The following PLEKHA7 variants were observed in gnomAD, a reference collection of about 807,000 sequenced individuals.
The protein encoded by PLEKHA7 is pleckstrin homology domain containing A7.
Under a neutral mutation model 170.0 loss-of-function variants are expected in PLEKHA7, and 104 were observed. The ratio of observed to expected loss-of-function variants is 0.61; its 90% CI spans 0.52 to 0.72. The LOEUF (loss-of-function observed/expected upper bound fraction) is 0.72, where lower values mean the gene tolerates loss of function less well. PLEKHA7 is among the 30% of genes least tolerant of loss of function. PLEKHA7 has a pLI of 0.00. For missense variants in PLEKHA7, 1,615 were observed against 1,671.7 expected, an observed-to-expected ratio of 0.97 and a Z score of 0.59; for synonymous variants, 648 against 660.8, an observed-to-expected ratio of 0.98 and a Z score of 0.30.
chr11:16,836,970 C>T (rs1393364571), intron 9 of PLEKHA7, among the ~76,000 whole-genome samples: 1 of 151,992 alleles, frequency 6.6e-6, no homozygotes, highest in East Asian at 1.9e-4. Flanking sequence ...ATTACAGGAA[C>T]CCGCCACCAA....
At chr11:16,889,246 C>T (rs1856434659) in intron 3 of PLEKHA7, among the ~76,000 whole-genome samples, 1 of 151,494 alleles carries the variant, frequency 6.6e-6, no homozygotes, top group Non-Finnish European at 1.5e-5. Flanking sequence ...ACCTTGTGAC[C>T]TCCTCCTCTG....
chr11:16,881,974 T>C (rs980820931), intron 3 of PLEKHA7, among the ~76,000 whole-genome samples: 1 of 152,046 alleles, frequency 6.6e-6, no homozygotes, highest in African/African-American at 2.4e-5. Flanking sequence ...GGCAGAGGGG[T>C]TAAAAAGAGA....
At chr11:16,939,784 A>G (rs1477645876) in intron 3 of PLEKHA7, among the ~76,000 whole-genome samples, 1 of 152,212 alleles carries the variant, frequency 6.6e-6, no homozygotes, top group Non-Finnish European at 1.5e-5. Flanking sequence ...CCTTCCTTCT[A>G]TTAATGAGCC....
At chr11:16,826,081 GT>G in intron 10 of PLEKHA7, 38 bp downstream of exon 10, 2 of 1,577,906 alleles carry the variant, frequency 1.3e-6, no homozygotes, top group Non-Finnish European at 8.7e-7. Flanking sequence ...CTACATTATC[GT>G]GCTCGTTATA....
At position 16,786,294 on chromosome 11, in the gene PLEKHA7, G is replaced by C. The variant is rs1205433235; in HGVS notation, c.3451C>G (p.Gln1151Glu). The change falls in exon 24 of 27, where the codon CAG becomes GAG. Residue 1151 changes from glutamine (Q) to glutamate (E), a missense_variant. Transcript: ENST00000531066. ...TCCAACTCAGTGACAGGCATGGCCTGCACTTTCAACCAGCCATTCTCCTCC... is the reference window on the plus strand; with the variant it reads ...TCCAACTCAGTGACAGGCATGGCCTCCACTTTCAACCAGCCATTCTCCTCC... ...DKEENGWLKV[Q>E]AMPVTELDLE... 1.8e-5 allele frequency: 28 copies of C among 1,536,128 alleles called. No individual in the cohort carries two copies. Among genetic ancestry groups the C allele is most frequent in the Non-Finnish European group, 2.4e-5 (28 of 1,146,902 alleles).
chr11:16,891,953 T>C (rs1013659397), intron 3 of PLEKHA7, among the ~76,000 whole-genome samples: 1 of 152,194 alleles, frequency 6.6e-6, no homozygotes, highest in Admixed American at 6.5e-5. Context: ...TTCAACATGA[T>C]TGAACTAGGA....
rs779362210 is a variant in PLEKHA7 at position 16,826,548 on chromosome 11, G to A, written c.915C>T (p.Asn305=). Residue 305 remains asparagine, a synonymous_variant, in exon 10 of 27, where the codon AAC becomes AAT. Coordinates refer to ENST00000531066, the MANE Select transcript of PLEKHA7 (RefSeq NM_001329630.2). ...KVERQAVPQA[N]HTESCHECGR... is the part of the protein sequence containing the mutation. ...CACATTCGTGACAGGACTCTGTGTG[G>A]TTGGCCTGGGGGACAGCCTGCCGCT... is the stretch of plus-strand genomic sequence containing the variant. 3 of 1,614,100 alleles carry A rather than the reference G, an allele frequency of 1.9e-6. No individual in the cohort carries two copies. In the South Asian group the frequency reaches 3.3e-5, roughly 18 times the overall value.
intron 3 of PLEKHA7, among the ~76,000 whole-genome samples, chr11:16,888,041 C>T (rs1242039648): frequency 2.6e-5 from 4 of 151,090 alleles, no homozygotes; most frequent in African/African-American, 7.3e-5. Flanking sequence ...TCTGCCTGGC[C>T]GCCACCCCGT....
chr11:16,793,415 G>C (rs1847991562), intron 19 of PLEKHA7, among the ~76,000 whole-genome samples: 2 of 152,224 alleles, frequency 1.3e-5, no homozygotes, highest in African/African-American at 4.8e-5. Flanking sequence ...TGGGTGCTGG[G>C]CCATATCCTG....
chr11:16,928,759 T>G (rs930458230), intron 3 of PLEKHA7, among the ~76,000 whole-genome samples: 1 of 152,106 alleles, frequency 6.6e-6, no homozygotes, highest in Non-Finnish European at 1.5e-5. Flanking sequence ...CTGGCCCTCA[T>G]GTAGATTTTT....
intron 3 of PLEKHA7, among the ~76,000 whole-genome samples, chr11:16,981,767 A>G (rs948788870): frequency 6.6e-6 from 1 of 152,146 alleles, no homozygotes; most frequent in Non-Finnish European, 1.5e-5. Flanking sequence ...ATTAAAATGC[A>G]TTCTGCCAGA....
At chr11:16,852,844 T>C (rs1232271532) in intron 6 of PLEKHA7, among the ~76,000 whole-genome samples, 1 of 152,214 alleles carries the variant, frequency 6.6e-6, no homozygotes, top group African/African-American at 2.4e-5. Flanking sequence ...CTGTTGTGTT[T>C]TCCTTCCATT....
chr11:16,929,661 G>A (rs757364169), intron 3 of PLEKHA7, among the ~76,000 whole-genome samples: 9 of 152,218 alleles, frequency 5.9e-5, no homozygotes, highest in South Asian at 2.1e-4. Context: ...AAAAGCTTTT[G>A]AACAAAAGGA....
At chr11:16,992,907 T>C (rs1449036947) in intron 3 of PLEKHA7, among the ~76,000 whole-genome samples, 1 of 152,040 alleles carries the variant, frequency 6.6e-6, no homozygotes. Flanking sequence ...AAGCAAATAA[T>C]GTGTAAAAAG....
chr11:16,840,743 A>C (rs1851884966), intron 9 of PLEKHA7, among the ~76,000 whole-genome samples: 1 of 152,114 alleles, frequency 6.6e-6, no homozygotes, highest in South Asian at 2.1e-4. Context: ...CACTATTTAT[A>C]GCTGTATTTA....
intron 3 of PLEKHA7, among the ~76,000 whole-genome samples, chr11:16,892,340 G>C (rs1856675178): frequency 6.6e-6 from 1 of 152,050 alleles, no homozygotes. Flanking sequence ...AAAACTTATA[G>C]CCAACTCCCA....
chr11:16,851,244 C>G lies in PLEKHA7; in HGVS notation c.643G>C (p.Val215Leu). ...VLGSIPLPSY[V>L]ISPVAPEDRI... ...TCCTCAGGGGCCACAGGAGAGATCA[C>G]GTAGCTGGGCAAGGGGATGCTCCCG... The change falls in exon 8 of 27, where the codon GTG becomes CTG. Residue 215 changes from valine to leucine, a missense_variant. Val to Leu is a conservative substitution (Grantham distance 32, BLOSUM62 1). Transcript: ENST00000531066. The G allele has an allele frequency of 6.2e-7, 1 of 1,611,690 alleles. No individual in the cohort carries two copies. Among genetic ancestry groups the G allele is most frequent in the Non-Finnish European group, 8.5e-7 (1 of 1,178,882 alleles).
intron 9 of PLEKHA7, among the ~76,000 whole-genome samples, chr11:16,833,717 C>T (rs960752328): frequency 2.0e-5 from 3 of 152,180 alleles, no homozygotes; most frequent in Non-Finnish European, 4.4e-5. Flanking sequence ...AGGGCACACA[C>T]GACTACCGGA....
intron 10 of PLEKHA7, among the ~76,000 whole-genome samples, chr11:16,818,244 G>A (rs574141828): frequency 6.6e-6 from 1 of 152,290 alleles, no homozygotes; most frequent in South Asian, 2.1e-4. Context: ...CTGACCTTCC[G>A]TTTCCTTACT....
Sources: allele counts gnomAD v4.1 joint callset (sites outside exome capture counted in the v4.1 genomes callset), GRCh38; gene constraint gnomAD v4.1.1; transcripts MANE v1.5; gene names NCBI Gene and HGNC (gene_info 2026-07-23, HGNC 2026-07-21).